GPR89A: variants seen among roughly 807,000 people sequenced by gnomAD.
GPR89A encodes the protein golgi pH regulator A.
In GPR89A, 16 loss-of-function variants were observed where a neutral mutation model predicts 52.0. That is an observed-to-expected ratio of 0.31 (90% CI 0.21 to 0.47). The LOEUF is 0.47. Among genes scored for constraint, GPR89A ranks in the 20% least tolerant of loss-of-function variants. The pLI, the probability that GPR89A is intolerant of heterozygous loss-of-function variation, is 1.00. For synonymous variants in GPR89A, 55 were observed against 150.9 expected (o/e 0.36, Z 4.66); for missense variants, 135 against 449.4 (o/e 0.30, Z 6.33).
intron 5 of GPR89A, among the ~76,000 whole-genome samples, chr1:145,626,119 G>C (rs1365300573): frequency 6.6e-6 from 1 of 150,682 alleles, no homozygotes; most frequent in Non-Finnish European, 1.5e-5. Flanking sequence ...AGTCCTGGTA[G>C]TATAGTTCTC....
At chr1:145,640,493 A>G (rs1190985137) in intron 7 of GPR89A, among the ~76,000 whole-genome samples, 1 of 56,536 alleles carries the variant, frequency 1.8e-5, no homozygotes, top group African/African-American at 7.7e-5. Context: ...TCAGGAGTTC[A>G]TGACCAGCCT....
At chr1:145,646,097 T>C in intron 8 of GPR89A, 87 bp from the exon 9 acceptor site, 1 of 1,604,924 alleles carries the variant, frequency 6.2e-7, no homozygotes, top group Non-Finnish European at 8.5e-7. Flanking sequence ...GGGAATCCAC[T>C]GTAGGAAAAA....
intron 8 of GPR89A, 173 bp from the exon 9 acceptor site, chr1:145,646,011 C>T (rs1298955309): frequency 1.1e-5 from 9 of 797,076 alleles, no homozygotes; most frequent in East Asian, 5.1e-5. Context: ...TACACACCTG[C>T]GTCAGAGGTT....
intron 7 of GPR89A, among the ~76,000 whole-genome samples, chr1:145,636,866 C>G (rs1650273922): frequency 6.6e-6 from 1 of 152,174 alleles, no homozygotes; most frequent in African/African-American, 2.4e-5. Flanking sequence ...CCACCACCCC[C>G]CCTGCCAGCA....
intron 10 of GPR89A, among the ~76,000 whole-genome samples, chr1:145,659,289 A>G (rs782226103): frequency 6.6e-6 from 1 of 151,938 alleles, no homozygotes; most frequent in African/African-American, 2.4e-5. Context: ...GGTTCAAGCA[A>G]TTCTCCTGCC....
At chr1:145,639,904 C>A (rs1483995301) in intron 7 of GPR89A, among the ~76,000 whole-genome samples, 3 of 152,176 alleles carry the variant, frequency 2.0e-5, no homozygotes, top group Non-Finnish European at 4.4e-5. Context: ...GAATCTAAAT[C>A]TAAGTCTTAC....
intron 3 of GPR89A, among the ~76,000 whole-genome samples, chr1:145,620,109 C>T (rs1649036533): frequency 6.6e-6 from 1 of 152,124 alleles, no homozygotes; most frequent in South Asian, 2.1e-4. Context: ...TATTATTTTA[C>T]ATAATGGTTA....
chr1:145,622,972 A>G, intron 3 of GPR89A, 82 bp from the exon 4 acceptor site: 4 of 1,596,014 alleles, frequency 2.5e-6, no homozygotes, highest in Non-Finnish European at 3.4e-6. Context: ...CCAAAGAGCA[A>G]AAGGACCCTT....
rs1487058424 is a variant in GPR89A at position 145,616,252 on chromosome 1, G to A, written c.61G>A (p.Gly21Arg). ...CCTCCAGATACTATTTTTTGGATTTGGGTGGCTTTTCTTCATGCGCCAATT... is the reference window on the plus strand; with the variant it reads ...CCTCCAGATACTATTTTTTGGATTTAGGTGGCTTTTCTTCATGCGCCAATT... ...ITSQILFFGF[G>R]WLFFMRQLFK... Residue 21 changes from glycine to arginine, a missense_variant, in exon 2 of 14, where the codon GGG (glycine) becomes AGG (arginine). Gly to Arg is a moderately radical substitution (Grantham distance 125). This residue lies in a region of GPR89A where 38 missense variants were observed against 40.2 expected (regional missense o/e 0.95). Transcript: ENST00000313835. The A allele has an allele frequency of 1.2e-6, 2 of 1,609,676 alleles. No homozygotes were observed. Among genetic ancestry groups the A allele is most frequent in the East Asian group, 4.5e-5 (2 of 44,756 alleles).
At position 145,635,346 on chromosome 1, in the gene GPR89A, C is replaced by T. The variant is rs192368754; in HGVS notation, c.617+3602C>T. Among the ~76,000 whole-genome samples the T allele has an allele frequency of 2.6e-5, 4 of 151,818 alleles. No homozygotes were observed. In the South Asian group the frequency reaches 6.2e-4, roughly 24 times the overall value. ...GTGTGAACCCAGGAGGCGGAGCTTG[C>T]GGTAAGCCCAGATCGCGCCACTGCA... On this transcript the variant is annotated intron_variant, in intron 7 of 13. Coordinates refer to ENST00000313835, the MANE Select transcript of GPR89A (RefSeq NM_001097612.2).
At chr1:145,608,881 C>G (rs1165773681) in intron 1 of GPR89A, among the ~76,000 whole-genome samples, 2 of 151,018 alleles carry the variant, frequency 1.3e-5, no homozygotes, top group East Asian at 3.9e-4. Flanking sequence ...GACACTGTCT[C>G]TGCTCAATAG....
chr1:145,645,955 CTG>C, intron 8 of GPR89A: 2 of 617,258 alleles, frequency 3.2e-6, no homozygotes, highest in Non-Finnish European at 5.8e-6. Context: ...TTAAGAGAAA[CTG>C]AGTGGTAATT....
chr1:145,635,890 C>T (rs587738138), intron 7 of GPR89A, among the ~76,000 whole-genome samples: 1 of 151,808 alleles, frequency 6.6e-6, no homozygotes, highest in East Asian at 2.0e-4. Flanking sequence ...ACCCGGGAGG[C>T]AGAGGTTGCA....
At chr1:145,639,236 T>A (rs1650464522) in intron 7 of GPR89A, among the ~76,000 whole-genome samples, 2 of 151,882 alleles carry the variant, frequency 1.3e-5, no homozygotes, top group South Asian at 4.2e-4. Context: ...TGTTATTCAT[T>A]TCAAAATCCC....
At chr1:145,635,583 A>G (rs1160780412) in intron 7 of GPR89A, among the ~76,000 whole-genome samples, 1 of 152,234 alleles carries the variant, frequency 6.6e-6, no homozygotes, top group Non-Finnish European at 1.5e-5. Flanking sequence ...GTAGAGCAAG[A>G]TTATTCAAAA....
chr1:145,617,155 C>G (rs1293026785), intron 2 of GPR89A, among the ~76,000 whole-genome samples: 3 of 152,084 alleles, frequency 2.0e-5, no homozygotes, highest in African/African-American at 4.8e-5. Context: ...GACAGACACT[C>G]CCAGAGCGGC....
chr1:145,656,133 A>C (rs587766669), intron 10 of GPR89A, among the ~76,000 whole-genome samples: 1 of 152,226 alleles, frequency 6.6e-6, no homozygotes, highest in East Asian at 1.9e-4. Flanking sequence ...TCTCCCCGGC[A>C]CTGGCAGGGG....
At chr1:145,632,097 C>T (rs1649912868) in intron 7 of GPR89A, among the ~76,000 whole-genome samples, 1 of 145,742 alleles carries the variant, frequency 6.9e-6, no homozygotes, top group Non-Finnish European at 1.5e-5. Context: ...AGATCATTCT[C>T]CTTAGATAAA....
chr1:145,656,709 G>T (rs1170111718), intron 10 of GPR89A, among the ~76,000 whole-genome samples: 1 of 151,866 alleles, frequency 6.6e-6, no homozygotes, highest in Non-Finnish European at 1.5e-5. Flanking sequence ...CAGCCTTATT[G>T]CACTGACTAA....
Sources: gnomAD v4.1 joint callset for allele counts (sites outside exome capture counted in the v4.1 genomes callset) on GRCh38, gnomAD v4.1.1 for gene constraint, gnomAD v4.1.1 regional missense constraint, MANE v1.5 for transcripts, NCBI Gene and HGNC (gene_info 2026-07-23, HGNC 2026-07-21) for gene names.